Variants in CDH18 observed in about 807,000 individuals in gnomAD.
CDH18 encodes the protein cadherin-18.
In CDH18, 31 loss-of-function variants were observed where a neutral mutation model predicts 67.9. The observed-to-expected ratio is 0.46, with a 90% CI of 0.34 to 0.62. The LOEUF (loss-of-function observed/expected upper bound fraction) is 0.62, where lower values mean the gene tolerates loss of function less well. CDH18 is among the 20% of genes least tolerant of loss of function. The pLI is 0.01. For synonymous variants in CDH18, 362 were observed against 347.2 expected, an observed-to-expected ratio of 1.04 and a Z score of -0.48; for missense variants, 890 against 975.5, an observed-to-expected ratio of 0.91 and a Z score of 1.17.
intron 3 of CDH18, among the ~76,000 whole-genome samples, chr5:19,758,366 A>G (rs539009761): frequency 6.6e-6 from 1 of 152,326 alleles, no homozygotes; most frequent in East Asian, 1.9e-4. Context: ...ATGGCAGGGC[A>G]TTGCTCCAAA....
chr5:20,385,118 T>C (rs1478984511), intron 1 of CDH18, among the ~76,000 whole-genome samples: 1 of 152,200 alleles, frequency 6.6e-6, no homozygotes, highest in Non-Finnish European at 1.5e-5. Flanking sequence ...GTTACAGGTG[T>C]GAGCCACCAC....
At chr5:20,484,423 G>T (rs1170465060) in intron 1 of CDH18, among the ~76,000 whole-genome samples, 1 of 151,972 alleles carries the variant, frequency 6.6e-6, no homozygotes, top group Admixed American at 6.6e-5. Context: ...TAATCTCATT[G>T]CTAGGTATAT....
intron 5 of CDH18, among the ~76,000 whole-genome samples, chr5:19,691,662 A>G (rs1761907665): frequency 6.6e-6 from 1 of 151,988 alleles, no homozygotes; most frequent in Non-Finnish European, 1.5e-5. Flanking sequence ...CTAGGAATAA[A>G]TTTAACCAAA....
intron 3 of CDH18, among the ~76,000 whole-genome samples, chr5:19,791,135 C>T (rs1024431778): frequency 6.6e-6 from 1 of 152,026 alleles, no homozygotes; most frequent in Non-Finnish European, 1.5e-5. Flanking sequence ...GAATCAGAAG[C>T]TCATGAAAGA....
At chr5:19,949,444 C>T (rs1795581940) in intron 2 of CDH18, among the ~76,000 whole-genome samples, 1 of 151,950 alleles carries the variant, frequency 6.6e-6, no homozygotes, top group Non-Finnish European at 1.5e-5. Flanking sequence ...CAGACTGTGC[C>T]CTCACAGCTC....
chr5:19,829,043 T>C (rs1407139318), intron 3 of CDH18, among the ~76,000 whole-genome samples: 1 of 151,828 alleles, frequency 6.6e-6, no homozygotes. Context: ...CTCTCAAAAA[T>C]AAATTAATTA....
At chr5:20,348,602 T>A (rs1229158441) in intron 1 of CDH18, among the ~76,000 whole-genome samples, 2 of 152,098 alleles carry the variant, frequency 1.3e-5, no homozygotes, top group Admixed American at 1.3e-4. Context: ...TGTGAGAGAC[T>A]TCAGGGAATT....
chr5:20,458,481 G>A (rs1025906235), intron 1 of CDH18, among the ~76,000 whole-genome samples: 1 of 151,950 alleles, frequency 6.6e-6, no homozygotes, highest in Non-Finnish European at 1.5e-5. Flanking sequence ...AGCTGGGCGC[G>A]GTGGCACGTG....
chr5:20,529,083 A>G (rs1020281131), intron 1 of CDH18, among the ~76,000 whole-genome samples: 3 of 152,080 alleles, frequency 2.0e-5, no homozygotes, highest in African/African-American at 7.3e-5. Flanking sequence ...ACCCCACAGA[A>G]ATACAAACAA....
chr5:20,321,714 T>G (rs1738038921), intron 1 of CDH18, among the ~76,000 whole-genome samples: 1 of 152,124 alleles, frequency 6.6e-6, no homozygotes, highest in Non-Finnish European at 1.5e-5. Flanking sequence ...TTCCCATAAT[T>G]TCCTTCAGAT....
chr5:19,927,747 C>A (rs1324789569), intron 2 of CDH18, among the ~76,000 whole-genome samples: 1 of 151,982 alleles, frequency 6.6e-6, no homozygotes, highest in Non-Finnish European at 1.5e-5. Flanking sequence ...TAATATGTGT[C>A]AGAAAAAACC....
rs59764100 is a variant in CDH18, at chr5:20,279,725, A to AAAAAC, written c.-579-24221_-579-24220insGTTTT. Reference sequence around the variant, plus strand: ...AAAAAAAAAAAAAAAAAAAAAAAAAAAAAGCAAAAACTGTAAGAGCGAGAT... The same window carrying AAAAAC: ...AAAAAAAAAAAAAAAAAAAAAAAAAAAAAACAAAGCAAAAACTGTAAGAGCGAGAT... On this transcript the variant is annotated intron_variant, in intron 1 of 14. Transcript: ENST00000507958. 7.5e-3 allele frequency among the ~76,000 whole-genome samples: 965 copies of AAAAAC among 128,800 alleles called. 92 individuals carry two copies. Among genetic ancestry groups the AAAAAC allele is most frequent in the African/African-American group, 0.031 (916 of 29,306 alleles). 84.5% of individuals were successfully genotyped at this position (128,800 alleles called of 152,430 possible). A position where few individuals can be genotyped will look rare whatever the true frequency, so the allele number is the denominator to read the frequency against.
rs764106750 is a variant in CDH18, at chr5:19,520,697, T to C, written c.1472A>G (p.Glu491Gly). 1.9e-6 allele frequency: 3 copies of C among 1,613,434 alleles called. No individual in the cohort carries two copies. Among genetic ancestry groups the C allele is most frequent in the Non-Finnish European group, 2.5e-6 (3 of 1,179,634 alleles). Residue 491 changes from glutamate to glycine, a missense_variant, in exon 10 of 13, where the codon GAA becomes GGA. Glu to Gly is a moderately conservative substitution (Grantham distance 98). Transcript: ENST00000382275. ...ATTTTCACATACAATAATATCATAT[T>C]CCCTGGCAAGTTCGGGTGGATTGTC... is the stretch of plus-strand genomic sequence containing the variant. ...VNDNPPELAREYDIIVCENSK... is the reference protein window; with the variant it reads ...VNDNPPELARGYDIIVCENSK...
At chr5:20,303,334 G>C (rs546722197) in intron 1 of CDH18, among the ~76,000 whole-genome samples, 13 of 152,132 alleles carry the variant, frequency 8.5e-5, no homozygotes, top group South Asian at 6.2e-4. Context: ...TCTTCATTTT[G>C]TCTTTGGGGG....
intron 5 of CDH18, among the ~76,000 whole-genome samples, chr5:19,617,618 T>C (rs1750045718): frequency 6.6e-6 from 1 of 152,248 alleles, no homozygotes; most frequent in Non-Finnish European, 1.5e-5. Flanking sequence ...TGGCAATGTT[T>C]ACTTCAAAAA....
chr5:19,658,106 CAT>C (rs989586425), intron 5 of CDH18, among the ~76,000 whole-genome samples: 2 of 141,556 alleles, frequency 1.4e-5, no homozygotes, highest in African/African-American at 4.9e-5. Context: ...TGATTAATCT[CAT>C]ATATCAAAGT....
chr5:19,965,776 G>A (rs1306699890), intron 2 of CDH18, among the ~76,000 whole-genome samples: 1 of 152,014 alleles, frequency 6.6e-6, no homozygotes, highest in Non-Finnish European at 1.5e-5. Flanking sequence ...AAAGAGAGAG[G>A]CAGGTAGAAA....
At chr5:20,465,642 T>C (rs545870920) in intron 1 of CDH18, among the ~76,000 whole-genome samples, 1 of 152,132 alleles carries the variant, frequency 6.6e-6, no homozygotes, top group South Asian at 2.1e-4. Context: ...AATGAAATAT[T>C]ATTAAGGATT....
intron 1 of CDH18, among the ~76,000 whole-genome samples, chr5:20,493,490 T>A (rs1487138983): frequency 6.6e-6 from 1 of 151,610 alleles, no homozygotes; most frequent in Non-Finnish European, 1.5e-5. Context: ...ATTCAGAGCT[T>A]GCTATAGGAA....
Sources: allele counts gnomAD v4.1 joint callset (sites outside exome capture counted in the v4.1 genomes callset), GRCh38; gene constraint gnomAD v4.1.1; transcripts MANE v1.5; gene names NCBI Gene and HGNC (gene_info 2026-07-23, HGNC 2026-07-21).